EIF5B: variants seen among roughly 807,000 people sequenced by gnomAD.
EIF5B encodes eukaryotic translation initiation factor 5B.
Under a neutral mutation model 147.5 loss-of-function variants are expected in EIF5B, and 47 were observed. That is an observed-to-expected ratio of 0.32 (90% confidence interval 0.25 to 0.41). The LOEUF is 0.41. Among genes scored for constraint, EIF5B ranks in the 10% least tolerant of loss-of-function variants. The probability of loss-of-function intolerance (pLI) is 1.00; values close to 1 mark genes in which losing one functional copy is unlikely to be tolerated. For missense variants in EIF5B, 1,064 were observed against 1,413.2 expected (o/e 0.75, Z 3.96); for synonymous variants, 455 against 456.2 (o/e 1.00, Z 0.03).
At chr2:99,339,907 G>A (rs765152358) in intron 1 of EIF5B, among the ~76,000 whole-genome samples, 7 of 151,790 alleles carry the variant, frequency 4.6e-5, no homozygotes, top group South Asian at 2.1e-4. Context: ...AACCTAATCT[G>A]TGTTTTGTTG....
intron 1 of EIF5B, among the ~76,000 whole-genome samples, chr2:99,342,851 C>A (rs1392156381): frequency 6.6e-6 from 1 of 152,090 alleles, no homozygotes; most frequent in Non-Finnish European, 1.5e-5. Context: ...CTAGGCTGGT[C>A]TTCAGCTCCT....
chr2:99,385,017 T>C (rs946859992), intron 14 of EIF5B, among the ~76,000 whole-genome samples: 12 of 152,226 alleles, frequency 7.9e-5, no homozygotes, highest in Admixed American at 5.9e-4. Context: ...CTGGGTAGAA[T>C]GCTCTAAGCA....
In EIF5B at chr2:99,361,579, G is replaced by T. The variant is rs1427994007; in HGVS notation, c.678G>T (p.Lys226Asn). The T allele has an allele frequency of 6.2e-7, 1 of 1,609,962 alleles. No individual in the cohort carries two copies. The highest frequency in any genetic ancestry group is 1.1e-5 in the South Asian group (1 of 89,652). Residue 226 changes from lysine (K) to asparagine (N), a missense_variant, in exon 4 of 24, where the codon AAG becomes AAT. Physicochemically the swap from Lys to Asn is moderately conservative, Grantham distance 94 (BLOSUM62 0). This residue lies in a region of EIF5B where 458 missense variants were observed against 451.3 expected (regional missense o/e 1.01). Coordinates refer to ENST00000289371, the MANE Select transcript of EIF5B (RefSeq NM_015904.4). ...ATGATGACGCCTCCTTCAAAATTAA[G>T]ACAGTGGCCCAAAAGAAGGCAGAAA... ...NEDDDASFKI[K>N]TVAQKKAEKK...
rs756497268 is a variant in EIF5B, at chr2:99,376,423, A to T, written c.1629A>T (p.Glu543Asp). Residue 543 changes from glutamate (E) to aspartate (D), a missense_variant, in exon 10 of 24, where the codon GAA (glutamate) becomes GAT (aspartate). Glu to Asp is a conservative substitution (Grantham distance 45, BLOSUM62 2). Transcript: ENST00000289371. ...AGGAGGAGGAAGAAGAGGAAGAAGAAGATGAAGAAAGTGAAGAAGAGGAGG... is the reference window on the plus strand; with the variant it reads ...AGGAGGAGGAAGAAGAGGAAGAAGATGATGAAGAAAGTGAAGAAGAGGAGG... Reference protein sequence around the residue: ...EEEEEEEEEEEDEESEEEEEE... With the variant: ...EEEEEEEEEEDDEESEEEEEE... 9 of 1,573,118 alleles carry T rather than the reference A, an allele frequency of 5.7e-6. No individual in the cohort carries two copies. Among genetic ancestry groups the T allele is most frequent in the Non-Finnish European group, 7.9e-6 (9 of 1,145,568 alleles).
Position 99,390,202 on chromosome 2 carries a change from A to G in EIF5B, c.2404-17A>G, listed in dbSNP as rs756643270. The G allele has an allele frequency of 8.7e-6, 14 of 1,612,914 alleles. No individual in the cohort carries two copies. Among genetic ancestry groups the G allele is most frequent in the Non-Finnish European group, 1.2e-5 (14 of 1,179,188 alleles). On this transcript the variant is annotated splice_polypyrimidine_tract_variant and intron_variant, in intron 15 of 23. Transcript: ENST00000289371. The stretch of plus-strand genomic sequence containing the variant: ...TTTTCTTTACAGCCTGGCATTTTGG[A>G]TGATTTTTGCTCCTAGGGTTTGAAT...
Position 99,364,436 on chromosome 2 carries a change from T to C in EIF5B, c.1288+15T>C, listed in dbSNP as rs1674284843. The C allele has an allele frequency of 1.3e-6, 2 of 1,568,042 alleles. No individual in the cohort carries two copies. Among genetic ancestry groups the C allele is most frequent in the African/African-American group, 1.4e-5 (1 of 72,618 alleles). ...ACAAGCTCAGGGTGAGTGGTACTCT[T>C]CATTAACTGAATGGTCAGAGAGCTC... On this transcript the variant is annotated intron_variant, in intron 6 of 23. Transcript: ENST00000289371.
At chr2:99,382,304 A>G in intron 13 of EIF5B, 78 bp downstream of exon 13, 4 of 1,213,352 alleles carry the variant, frequency 3.3e-6, no homozygotes, top group Middle Eastern at 4.6e-4. Flanking sequence ...AGAGTCATTA[A>G]CCTTTGAGTA....
At position 99,399,384 on chromosome 2, in the gene EIF5B, G is replaced by A; in HGVS notation, c.3633G>A (p.Val1211=). Residue 1211 remains valine (V), a synonymous_variant, in exon 24 of 24, where the codon GTG becomes GTA. Coordinates refer to ENST00000289371, the MANE Select transcript of EIF5B (RefSeq NM_015904.4). ...EMQKSDWQLI[V]ELKKVFEII is the part of the protein sequence containing the mutation. ...AGAAGAGTGACTGGCAGCTTATTGT[G>A]GAGCTGAAGAAAGTATTTGAAATCA... 6.2e-7 allele frequency: 1 copy of A among 1,614,106 alleles called. No individual in the cohort carries two copies. Among genetic ancestry groups the A allele is most frequent in the African/African-American group, 1.3e-5 (1 of 75,038 alleles).
At chr2:99,379,493 CAT>C in intron 12 of EIF5B, 65 bp downstream of exon 12, 1 of 1,271,626 alleles carries the variant, frequency 7.9e-7, no homozygotes, top group Non-Finnish European at 1.1e-6. Context: ...CTATTTCAAA[CAT>C]AGAAAAAGGA....
At chr2:99,387,535 A>G (rs1674838763) in intron 14 of EIF5B, among the ~76,000 whole-genome samples, 1 of 152,168 alleles carries the variant, frequency 6.6e-6, no homozygotes, top group Admixed American at 6.5e-5. Flanking sequence ...CTATGCCACT[A>G]CTACCCTGTC....
intron 1 of EIF5B, among the ~76,000 whole-genome samples, chr2:99,339,019 T>G (rs2094252542): frequency 6.8e-6 from 1 of 146,964 alleles, no homozygotes; most frequent in Non-Finnish European, 1.5e-5. Context: ...TTTTTTTTTT[T>G]TTTGAGACGG....
At chr2:99,376,020 ATCTCCTC>A (rs1485584729) in intron 9 of EIF5B, among the ~76,000 whole-genome samples, 3 of 152,212 alleles carry the variant, frequency 2.0e-5, no homozygotes, top group Non-Finnish European at 4.4e-5. Flanking sequence ...TCCAGGCATT[ATCTCCTC>A]CCCTTACTTT....
In EIF5B at chr2:99,338,141, C is replaced by T. The variant is rs544395833; in HGVS notation, c.35+552C>T. Among the ~76,000 whole-genome samples the T allele has an allele frequency of 1.9e-4, 28 of 148,600 alleles. No homozygotes were observed. In the South Asian group the frequency reaches 4.5e-3, roughly 24 times the overall value. ...TTTATTTAAGGGCTGATTGTCCAGC[C>T]CTCATGCTTTTCGCTTTCCTTCTTC... On this transcript the variant is annotated intron_variant, in intron 1 of 23. Coordinates refer to ENST00000289371, the MANE Select transcript of EIF5B (RefSeq NM_015904.4).
At chr2:99,338,474 TA>T (rs546855561) in intron 1 of EIF5B, 259 of 495,498 alleles carry the variant, frequency 5.2e-4, no homozygotes, top group South Asian at 1.2e-3. Flanking sequence ...TAAGGTAAAT[TA>T]AAAAAACTAG....
intron 1 of EIF5B, among the ~76,000 whole-genome samples, chr2:99,356,372 CCTT>C (rs1458930307): frequency 6.6e-6 from 1 of 152,100 alleles, no homozygotes; most frequent in African/African-American, 2.4e-5. Flanking sequence ...TGTTCCACCT[CCTT>C]GAGGATGGGA....
chr2:99,399,287 T>C lies in EIF5B; in HGVS notation c.3556-20T>C. On this transcript the variant is annotated intron_variant, in intron 23 of 23. Transcript: ENST00000289371. ...GTTTGTTATGTTCTGTTTACCCTGT[T>C]TGTGCCTCGGGCATTGCAGATCAGC... 1 of 1,611,980 alleles carries C rather than the reference T, an allele frequency of 6.2e-7. No homozygotes were observed. Among genetic ancestry groups the C allele is most frequent in the Admixed American group, 1.7e-5 (1 of 60,018 alleles).
At chr2:99,339,018 T>A (rs1013965679) in intron 1 of EIF5B, among the ~76,000 whole-genome samples, 1 of 64,602 alleles carries the variant, frequency 1.5e-5, no homozygotes, top group Non-Finnish European at 4.2e-5. Flanking sequence ...TTTTTTTTTT[T>A]TTTTGAGACG....
chr2:99,371,488 C>CAAAA (rs201222383), intron 8 of EIF5B, among the ~76,000 whole-genome samples, 168 bp from the exon 9 acceptor site: 1 of 112,016 alleles, frequency 8.9e-6, no homozygotes, highest in Non-Finnish European at 1.9e-5. Context: ...GACTCCGTCT[C>CAAAA]AAAAAAAAAA....
intron 14 of EIF5B, among the ~76,000 whole-genome samples, chr2:99,384,928 T>G (rs949182444): frequency 2.0e-5 from 3 of 152,154 alleles, no homozygotes; most frequent in African/African-American, 7.2e-5. Context: ...AAAAAGAATT[T>G]AGGATAGCAA....
Sources: gnomAD v4.1 joint callset for allele counts (sites outside exome capture counted in the v4.1 genomes callset) on GRCh38, gnomAD v4.1.1 for gene constraint, gnomAD v4.1.1 regional missense constraint, MANE v1.5 for transcripts, NCBI Gene and HGNC (gene_info 2026-07-23, HGNC 2026-07-21) for gene names.